Variants in GLCE observed in about 807,000 individuals in gnomAD.
The protein encoded by GLCE is D-glucuronyl C5-epimerase.
GLCE carries 19 observed loss-of-function variants against 47.9 expected under a neutral mutation model. That is an observed-to-expected ratio of 0.40 (90% confidence interval 0.28 to 0.58). The LOEUF is 0.58. Ranked by LOEUF, GLCE falls within the 20% of genes least tolerant of loss-of-function variation. GLCE has a pLI of 0.48. For missense variants in GLCE, 556 were observed against 743.3 expected, an observed-to-expected ratio of 0.75 and a Z score of 2.93; for synonymous variants, 245 against 263.4, an observed-to-expected ratio of 0.93 and a Z score of 0.68.
chr15:69,256,471 C>A, intron 3 of GLCE, 79 bp downstream of exon 3: 1 of 937,758 alleles, frequency 1.1e-6, no homozygotes, highest in Non-Finnish European at 1.7e-6. Context: ...AATTATACAT[C>A]AAGTACATAG....
rs375964403 is a variant in GLCE at position 69,232,672 on chromosome 15, GA to G, written c.-14+22272del. Among the ~76,000 whole-genome samples, 646 of 152,180 alleles carry G rather than the reference GA, an allele frequency of 4.2e-3. 6 individuals are homozygous for G. The highest frequency in any genetic ancestry group is 0.014 in the African/African-American group (562 of 41,518). On this transcript the variant is annotated intron_variant, in intron 2 of 4. Coordinates refer to ENST00000261858, the MANE Select transcript of GLCE (RefSeq NM_015554.3). ...TAAACTAGCTGCGGCTTCTTACAGG[GA>G]AAAAATAAGTGTTTAGAATAGCAGA...
rs374206971 is a variant in GLCE, at chr15:69,243,601, G to C, written c.-13-12193G>C. Among the ~76,000 whole-genome samples, 15 of 148,820 alleles carry C rather than the reference G, an allele frequency of 1.0e-4. No individual in the cohort carries two copies. The East Asian group carries it at 1.8e-3, about 18-fold the overall frequency. ...AAAAAAAAGCCAATTTGTGTTGCAT[G>C]ACATGAGCAAATAGATTTGACCTTT... On this transcript the variant is annotated intron_variant, in intron 2 of 4. Coordinates refer to ENST00000261858, the MANE Select transcript of GLCE (RefSeq NM_015554.3).
intron 2 of GLCE, among the ~76,000 whole-genome samples, chr15:69,235,081 A>T (rs1160995496): frequency 1.4e-5 from 2 of 142,458 alleles, no homozygotes; most frequent in Non-Finnish European, 3.0e-5. Flanking sequence ...ATACAGATAG[A>T]TGAAGATTAT....
chr15:69,233,396 T>G (rs2052551510), intron 2 of GLCE, among the ~76,000 whole-genome samples: 1 of 152,216 alleles, frequency 6.6e-6, no homozygotes, highest in South Asian at 2.1e-4. Flanking sequence ...TATCTCTACA[T>G]TCAGGCTCTA....
intron 1 of GLCE, among the ~76,000 whole-genome samples, chr15:69,183,010 A>G (rs981308463): frequency 3.3e-5 from 5 of 152,094 alleles, no homozygotes; most frequent in African/African-American, 4.8e-5. Context: ...GAACAAAACA[A>G]AACAAAAAAT....
intron 1 of GLCE, among the ~76,000 whole-genome samples, chr15:69,203,348 G>C (rs2052102390): frequency 6.6e-6 from 1 of 152,100 alleles, no homozygotes. Flanking sequence ...GCTACAGAGA[G>C]AAGAGACAGG....
chr15:69,257,828 G>C (rs1468371007), intron 3 of GLCE, among the ~76,000 whole-genome samples: 1 of 151,926 alleles, frequency 6.6e-6, no homozygotes. Flanking sequence ...AGATTTCAAA[G>C]ATATTCAGAG....
intron 1 of GLCE, among the ~76,000 whole-genome samples, chr15:69,171,975 T>A (rs920039059): frequency 1.2e-4 from 18 of 152,212 alleles, no homozygotes; most frequent in Non-Finnish European, 2.5e-4. Flanking sequence ...AAATGTTCAA[T>A]TTTGAAATAT....
chr15:69,253,819 C>T (rs2052882695), intron 2 of GLCE, among the ~76,000 whole-genome samples: 1 of 152,140 alleles, frequency 6.6e-6, no homozygotes, highest in Admixed American at 6.5e-5. Flanking sequence ...AAGTAACAGA[C>T]TGAAATCAAA....
At position 69,268,647 on chromosome 15, in the gene GLCE, A is replaced by T; in HGVS notation, c.1257A>T (p.Lys419Asn). ...SDWLVRNQDEKGGWPIMVTRK... is the reference protein window; with the variant it reads ...SDWLVRNQDENGGWPIMVTRK... Reference sequence around the variant, plus strand: ...GGCTAGTAAGGAACCAGGATGAGAAAGGTGGCTGGCCAATTATGGTGACCC... The same window carrying T: ...GGCTAGTAAGGAACCAGGATGAGAATGGTGGCTGGCCAATTATGGTGACCC... Residue 419 changes from lysine (K) to asparagine (N), a missense_variant, in exon 5 of 5, where the codon AAA becomes AAT. Lys to Asn is a moderately conservative substitution (Grantham distance 94). Around this residue, in one of 3 missense-constraint regions of GLCE, gnomAD observed 245 missense variants for 368.1 expected, o/e 0.67. Coordinates refer to ENST00000261858, the MANE Select transcript of GLCE (RefSeq NM_015554.3). 23 of 1,614,218 alleles carry T rather than the reference A, an allele frequency of 1.4e-5. No individual in the cohort carries two copies. The highest frequency in any genetic ancestry group is 1.9e-5 in the Non-Finnish European group (23 of 1,180,038).
Position 69,268,515 on chromosome 15 carries a change from A to T in GLCE, c.1125A>T (p.Ile375=). The T allele has an allele frequency of 6.2e-7, 1 of 1,614,210 alleles. No homozygotes were observed. The highest frequency in any genetic ancestry group is 8.5e-7 in the Non-Finnish European group (1 of 1,180,046). The change falls in exon 5 of 5, where the codon ATA becomes ATT. Residue 375 remains isoleucine, a synonymous_variant. Transcript: ENST00000261858. Reference sequence around the variant, plus strand: ...CAAAAGCTGTCAAGCCAACCAAAATAATGCCCAAGAAGGTGGTTAGGTTGA... The same window carrying T: ...CAAAAGCTGTCAAGCCAACCAAAATTATGCCCAAGAAGGTGGTTAGGTTGA... The part of the protein sequence containing the change: ...SNTKAVKPTK[I]MPKKVVRLIA...
intron 2 of GLCE, among the ~76,000 whole-genome samples, chr15:69,248,762 A>G (rs1382873700): frequency 6.6e-6 from 1 of 151,980 alleles, no homozygotes; most frequent in African/African-American, 2.4e-5. Context: ...CACCACGCCC[A>G]GCTAATTTTT....
At chr15:69,168,811 C>T (rs918433838) in intron 1 of GLCE, among the ~76,000 whole-genome samples, 3 of 152,132 alleles carry the variant, frequency 2.0e-5, no homozygotes, top group African/African-American at 4.8e-5. Flanking sequence ...GGATTACAGG[C>T]GTGAGCCACT....
intron 2 of GLCE, among the ~76,000 whole-genome samples, chr15:69,241,100 A>G (rs999084551): frequency 1.3e-5 from 2 of 152,182 alleles, no homozygotes; most frequent in Non-Finnish European, 2.9e-5. Context: ...ATCATCAGGC[A>G]TCCAGGAAGG....
chr15:69,231,672 T>TTTG (rs946639277), intron 2 of GLCE, among the ~76,000 whole-genome samples: 11 of 152,132 alleles, frequency 7.2e-5, no homozygotes, highest in East Asian at 3.8e-4. Flanking sequence ...CTCATTTCAT[T>TTTG]TTGTTGTTGT....
chr15:69,236,027 A>G (rs963115815), intron 2 of GLCE, among the ~76,000 whole-genome samples: 1 of 152,234 alleles, frequency 6.6e-6, no homozygotes, highest in African/African-American at 2.4e-5. Context: ...AAATGAAATT[A>G]TATAGTAAGT....
chr15:69,252,793 C>T (rs2052864440), intron 2 of GLCE, among the ~76,000 whole-genome samples: 1 of 151,932 alleles, frequency 6.6e-6, no homozygotes, highest in Non-Finnish European at 1.5e-5. Context: ...AAATAAACAC[C>T]ATTTAGTGTT....
At position 69,268,401 on chromosome 15, in the gene GLCE, A is replaced by G. The variant is rs2053116239; in HGVS notation, c.1011A>G (p.Ile337Met). The change falls in exon 5 of 5, where the codon ATA becomes ATG. Residue 337 changes from isoleucine (I) to methionine (M), a missense_variant. By Grantham distance (10) the Ile-to-Met change is conservative. Around this residue, in one of 3 missense-constraint regions of GLCE, gnomAD observed 245 missense variants for 368.1 expected, o/e 0.67. Coordinates refer to ENST00000261858, the MANE Select transcript of GLCE (RefSeq NM_015554.3). ...TAATTGCTTTTAAAGAAAGAGATATATACTATGGCATTGGGCCCAGAACTT... is the reference window on the plus strand; with the variant it reads ...TAATTGCTTTTAAAGAAAGAGATATGTACTATGGCATTGGGCCCAGAACTT... ...AQLIAFKERDIYYGIGPRTSW... is the reference protein window; with the variant it reads ...AQLIAFKERDMYYGIGPRTSW... 6.2e-7 allele frequency: 1 copy of G among 1,613,922 alleles called. No individual in the cohort carries two copies. The highest frequency in any genetic ancestry group is 8.5e-7 in the Non-Finnish European group (1 of 1,179,914).
intron 1 of GLCE, among the ~76,000 whole-genome samples, chr15:69,181,587 G>A (rs968155988): frequency 2.6e-5 from 4 of 152,152 alleles, no homozygotes; most frequent in Non-Finnish European, 5.9e-5. Context: ...TAATTGAATT[G>A]GTCATTCTAG....
Sources: allele counts gnomAD v4.1 joint callset (sites outside exome capture counted in the v4.1 genomes callset), GRCh38; gene constraint gnomAD v4.1.1; regional missense constraint gnomAD v4.1.1; transcripts MANE v1.5; gene names NCBI Gene and HGNC (gene_info 2026-07-23, HGNC 2026-07-21).